Variants in FSBP observed in about 807,000 individuals in gnomAD.
FSBP encodes fibrinogen silencer binding protein.
FSBP carries 18 observed loss-of-function variants against 24.6 expected under a neutral mutation model. The ratio of observed to expected loss-of-function variants is 0.73; its 90% CI spans 0.51 to 1.08. The LOEUF (loss-of-function observed/expected upper bound fraction) is 1.08. Among genes scored for constraint, FSBP ranks in the 50% least tolerant of loss-of-function variants. The pLI is 0.00. For synonymous variants in FSBP, 110 were observed against 125.8 expected (o/e 0.87, Z 0.84); for missense variants, 305 against 347.6 (o/e 0.88, Z 0.98).
chr8:94,433,011 G>C (rs1386480214), intron 1 of FSBP, among the ~76,000 whole-genome samples: 2 of 152,222 alleles, frequency 1.3e-5, no homozygotes, highest in East Asian at 3.9e-4. Flanking sequence ...ATGGTGTACA[G>C]AGCCATTTAA....
chr8:94,429,400 T>A lies in FSBP; in HGVS notation c.*2731A>T, dbSNP rs978215293. On this transcript the variant is annotated 3_prime_UTR_variant, in exon 2 of 2. Transcript: ENST00000481490. ...AAAAGATGTATACTGCACTTTTTTT[T>A]AACACAGATCTCTTTTCTAGAAACA... The A allele has an allele frequency of 2.8e-4, 238 of 861,908 alleles. No homozygotes were observed. The highest frequency in any genetic ancestry group is 3.2e-4 in the Non-Finnish European group (232 of 717,780). The allele number at this position is 861,908 out of a possible 1,614,324, so 53.4% of individuals were successfully genotyped here. A position where few individuals can be genotyped will look rare whatever the true frequency, so the allele number is the denominator to read the frequency against.
chr8:94,432,872 TA>T (rs1273659831), intron 1 of FSBP, among the ~76,000 whole-genome samples: 1 of 152,116 alleles, frequency 6.6e-6, no homozygotes, highest in Admixed American at 6.6e-5. Flanking sequence ...TCCTTAACTT[TA>T]AAATTGTGCT....
rs1325633241 is a variant in FSBP, at chr8:94,432,346, A to G, written c.685T>C (p.Leu229=). 2.6e-6 allele frequency: 4 copies of G among 1,550,244 alleles called. No individual in the cohort carries two copies. In the African/African-American group the frequency reaches 5.5e-5, roughly 21 times the overall value. ...TGCAGGATCTGAGGATCATACCCTA[A>G]TAGTGACCTAAAGTGTTCACCACTC... ...HESGEHFRSL[L]GYDPQILQML... Residue 229 remains leucine (L), a synonymous_variant, in exon 2 of 2, where the codon TTA becomes CTA. Transcript: ENST00000481490.
Position 94,431,807 on chromosome 8 carries a change from T to C in FSBP, c.*324A>G. On this transcript the variant is annotated 3_prime_UTR_variant, in exon 2 of 2. Transcript: ENST00000481490. ...GCTTTCAAAGTTCTAACTAAAAATGTTGAAGACTCAGAACTTTGAAAGAAT... is the reference window on the plus strand; with the variant it reads ...GCTTTCAAAGTTCTAACTAAAAATGCTGAAGACTCAGAACTTTGAAAGAAT... The C allele has an allele frequency of 9.9e-7, 1 of 1,011,464 alleles. No individual in the cohort carries two copies. Among genetic ancestry groups the C allele is most frequent in the African/African-American group, 1.7e-5 (1 of 58,232 alleles). The allele number at this position is 1,011,464 out of a possible 1,614,324, so 62.7% of individuals were successfully genotyped here. A position where few individuals can be genotyped will look rare whatever the true frequency, so the allele number is the denominator to read the frequency against.
intron 1 of FSBP, among the ~76,000 whole-genome samples, chr8:94,433,592 A>G (rs1812175402): frequency 6.6e-6 from 1 of 152,072 alleles, no homozygotes; most frequent in African/African-American, 2.4e-5. Flanking sequence ...AAGCTTCAGC[A>G]TAACAAGTTA....
intron 1 of FSBP, among the ~76,000 whole-genome samples, chr8:94,433,161 C>T (rs1260480979): frequency 6.6e-6 from 1 of 152,100 alleles, no homozygotes; most frequent in East Asian, 1.9e-4. Context: ...CTGATTTCTG[C>T]ATTTGCCCAA....
At chr8:94,436,150 G>A (rs911085478) in intron 1 of FSBP, among the ~76,000 whole-genome samples, 1 of 151,832 alleles carries the variant, frequency 6.6e-6, no homozygotes, top group Non-Finnish European at 1.5e-5. Flanking sequence ...AATCTTAAAT[G>A]AGAAAAAAAG....
In FSBP at chr8:94,432,326, G is replaced by A; in HGVS notation, c.705C>T (p.Ile235=). The change falls in exon 2 of 2, where the codon ATC becomes ATT. Residue 235 remains isoleucine, a synonymous_variant. Coordinates refer to ENST00000481490, the MANE Select transcript of FSBP (RefSeq NM_001256141.2). ...GATGCTCCTCTTTCAACATTTGCAG[G>A]ATCTGAGGATCATACCCTAATAGTG... ...FRSLLGYDPQ[I]LQMLKEEHQI... is the part of the protein sequence containing the mutation. 1 of 1,550,166 alleles carries A rather than the reference G, an allele frequency of 6.5e-7. No homozygotes were observed. The highest frequency in any genetic ancestry group is 8.7e-7 in the Non-Finnish European group (1 of 1,146,826).
chr8:94,429,550 C>T lies in FSBP; in HGVS notation c.*2581G>A. ...CATGCTGAAACTGTAAAGTGAATTA[C>T]ATCTCATATATGTGCTTTCAATAAT... is the stretch of plus-strand genomic sequence containing the variant. On this transcript the variant is annotated 3_prime_UTR_variant, in exon 2 of 2. Transcript: ENST00000481490. 1 of 983,210 alleles carries T rather than the reference C, an allele frequency of 1.0e-6. No individual in the cohort carries two copies. Among genetic ancestry groups the T allele is most frequent in the South Asian group, 4.7e-5 (1 of 21,232 alleles). The allele number at this position is 983,210 out of a possible 1,614,324, so 60.9% of individuals were successfully genotyped here. A position where few individuals can be genotyped will look rare whatever the true frequency, so the allele number is the denominator to read the frequency against.
At position 94,432,604 on chromosome 8, in the gene FSBP, A is replaced by G; in HGVS notation, c.427T>C (p.Leu143=). Residue 143 remains leucine (L), a synonymous_variant, in exon 2 of 2, where the codon TTG becomes CTG. Coordinates refer to ENST00000481490, the MANE Select transcript of FSBP (RefSeq NM_001256141.2). ...GTAATAGCAACAGGATGGTGATCCAACATTACCTGTAGTGAACTGGTACCA... is the reference window on the plus strand; with the variant it reads ...GTAATAGCAACAGGATGGTGATCCAGCATTACCTGTAGTGAACTGGTACCA... ...QAGTSSLQVM[L]DHHPVAITVE... is the part of the protein sequence containing the mutation. 1 of 1,549,964 alleles carries G rather than the reference A, an allele frequency of 6.5e-7. No homozygotes were observed. Among genetic ancestry groups the G allele is most frequent in the Non-Finnish European group, 8.7e-7 (1 of 1,146,640 alleles).
Position 94,432,410 on chromosome 8 carries a change from T to A in FSBP, c.621A>T (p.Pro207=). 1 of 1,550,466 alleles carries A rather than the reference T, an allele frequency of 6.4e-7. No homozygotes were observed. The highest frequency in any genetic ancestry group is 8.7e-7 in the Non-Finnish European group (1 of 1,146,900). Residue 207 remains proline, a synonymous_variant, in exon 2 of 2, where the codon CCA becomes CCT. Transcript: ENST00000481490. ...AATCATCTCTCCTTGGAATAGAAGA[T>A]GGAGACGATGTCATTCTCATATCAA... ...SSVDMRMTSS[P]SSIPRRDDFF... is the part of the protein sequence containing the mutation.
At chr8:94,436,199 C>T (rs1417955744) in intron 1 of FSBP, among the ~76,000 whole-genome samples, 1 of 151,964 alleles carries the variant, frequency 6.6e-6, no homozygotes, top group East Asian at 1.9e-4. Context: ...AATTTTAAAG[C>T]TTAAGAAGTT....
In FSBP at chr8:94,431,208, T is replaced by A. The variant is rs979413600; in HGVS notation, c.*923A>T. 1.1e-6 allele frequency: 1 copy of A among 939,484 alleles called. No individual in the cohort carries two copies. The highest frequency in any genetic ancestry group is 1.8e-5 in the African/African-American group (1 of 56,136). 58.2% of individuals were successfully genotyped at this position (939,484 alleles called of 1,614,324 possible). On this transcript the variant is annotated 3_prime_UTR_variant, in exon 2 of 2. Coordinates refer to ENST00000481490, the MANE Select transcript of FSBP (RefSeq NM_001256141.2). ...AACAATACTTATAAAATACATAAAA[T>A]TTTAATTTTGTTCATTCTGATTTTT...
chr8:94,428,372 C>T lies in FSBP; in HGVS notation c.*3759G>A, dbSNP rs1432209271. 1 of 961,384 alleles carries T rather than the reference C, an allele frequency of 1.0e-6. No homozygotes were observed. Among genetic ancestry groups the T allele is most frequent in the Non-Finnish European group, 1.2e-6 (1 of 808,314 alleles). 59.6% of individuals were successfully genotyped at this position (961,384 alleles called of 1,614,324 possible). On this transcript the variant is annotated 3_prime_UTR_variant, in exon 2 of 2. Coordinates refer to ENST00000481490, the MANE Select transcript of FSBP (RefSeq NM_001256141.2). ...TAAGTGTATAGTCATCCCTCAGTAT[C>T]CAAGGGGGATTGGTTTCAGGACACC...
At position 94,432,140 on chromosome 8, in the gene FSBP, G is replaced by T; in HGVS notation, c.891C>A (p.Asn297Lys). 6.5e-7 allele frequency: 1 copy of T among 1,546,126 alleles called. No individual in the cohort carries two copies. Among genetic ancestry groups the T allele is most frequent in the Non-Finnish European group, 8.7e-7 (1 of 1,145,734 alleles). The stretch of plus-strand genomic sequence containing the variant: ...AGATTGAAAAAAAAACTTAGAGACT[G>T]TTATATTCAGGTAGATCATGCCGTA... ...IRLRHDLPEYNSL is the reference protein window; with the variant it reads ...IRLRHDLPEYKSL The change falls in exon 2 of 2, where the codon AAC becomes AAA. Residue 297 changes from asparagine (N) to lysine (K), a missense_variant. Asn to Lys is a moderately conservative substitution (Grantham distance 94). Coordinates refer to ENST00000481490, the MANE Select transcript of FSBP (RefSeq NM_001256141.2).
chr8:94,436,810 T>A lies in FSBP; in HGVS notation c.59A>T (p.Lys20Met), dbSNP rs1330251383. The change falls in exon 1 of 2, where the codon AAG becomes ATG. Residue 20 changes from lysine (K) to methionine (M), a missense_variant. Coordinates refer to ENST00000481490, the MANE Select transcript of FSBP (RefSeq NM_001256141.2). ...AATTTTCACATATGGCTTCACAAGC[T>A]TTAGCAAATCAAGCTTTTCGGATAA... ...FTLSEKLDLL[K>M]LVKPYVKILE... 1 of 1,548,410 alleles carries A rather than the reference T, an allele frequency of 6.5e-7. No homozygotes were observed. The highest frequency in any genetic ancestry group is 8.7e-7 in the Non-Finnish European group (1 of 1,146,356).
rs1812106878 is a variant in FSBP at position 94,431,945 on chromosome 8, A to G, written c.*186T>C. The G allele has an allele frequency of 7.8e-7, 1 of 1,285,056 alleles. No individual in the cohort carries two copies. The allele number at this position is 1,285,056 out of a possible 1,614,324, so 79.6% of individuals were successfully genotyped here. A position where few individuals can be genotyped will look rare whatever the true frequency, so the allele number is the denominator to read the frequency against. ...AAAGAAGACAATAAAAACTATAACC[A>G]TGCCAACCAACCAGTAAATTTTAAT... On this transcript the variant is annotated 3_prime_UTR_variant, in exon 2 of 2. Coordinates refer to ENST00000481490, the MANE Select transcript of FSBP (RefSeq NM_001256141.2).
In FSBP at chr8:94,432,027, T is replaced by G; in HGVS notation, c.*104A>C. On this transcript the variant is annotated 3_prime_UTR_variant, in exon 2 of 2. Coordinates refer to ENST00000481490, the MANE Select transcript of FSBP (RefSeq NM_001256141.2). Reference sequence around the variant, plus strand: ...CTAAAAAGTTTTTCCATAATAGAGATTAACAACATTTTTCAAGAACGTGTA... The same window carrying G: ...CTAAAAAGTTTTTCCATAATAGAGAGTAACAACATTTTTCAAGAACGTGTA... 1 of 1,391,032 alleles carries G rather than the reference T, an allele frequency of 7.2e-7. No homozygotes were observed. Among genetic ancestry groups the G allele is most frequent in the Non-Finnish European group, 9.3e-7 (1 of 1,074,832 alleles). The allele number at this position is 1,391,032 out of a possible 1,614,324, so 86.2% of individuals were successfully genotyped here.
rs987563056 is a variant in FSBP, at chr8:94,430,977, C to A, written c.*1154G>T. On this transcript the variant is annotated 3_prime_UTR_variant, in exon 2 of 2. Coordinates refer to ENST00000481490, the MANE Select transcript of FSBP (RefSeq NM_001256141.2). Reference sequence around the variant, plus strand: ...TCCCATTCTTTTGTCTTTTTTCCAGCGTCTCACTCTTGACTTCAAACACCC... The same window carrying A: ...TCCCATTCTTTTGTCTTTTTTCCAGAGTCTCACTCTTGACTTCAAACACCC... 3.0e-6 allele frequency: 3 copies of A among 985,156 alleles called. No individual in the cohort carries two copies. The African/African-American group carries it at 5.2e-5, about 17-fold the overall frequency. The allele number at this position is 985,156 out of a possible 1,614,324, so 61.0% of individuals were successfully genotyped here. A position where few individuals can be genotyped will look rare whatever the true frequency, so the allele number is the denominator to read the frequency against.
Sources: gnomAD v4.1 joint callset for allele counts (sites outside exome capture counted in the v4.1 genomes callset) on GRCh38, gnomAD v4.1.1 for gene constraint, MANE v1.5 for transcripts, NCBI Gene and HGNC (gene_info 2026-07-23, HGNC 2026-07-21) for gene names.